The following PRUNE2 variants were observed in gnomAD, a reference collection of about 807,000 sequenced individuals.
PRUNE2 encodes the protein prune homolog 2 with BCH domain, also known as protein prune homolog 2.
In PRUNE2, 164 loss-of-function variants were observed where a neutral mutation model predicts 252.0. The observed-to-expected ratio is 0.65, with a 90% CI of 0.57 to 0.74. PRUNE2 has a LOEUF of 0.74. PRUNE2 is among the 30% of genes least tolerant of loss of function. The probability of loss-of-function intolerance (pLI) is 0.00; values close to 1 mark genes in which losing one functional copy is unlikely to be tolerated. For synonymous variants in PRUNE2, 1,292 were observed against 1,350.2 expected, an observed-to-expected ratio of 0.96 and a Z score of 0.94; for missense variants, 3,495 against 3,711.0, an observed-to-expected ratio of 0.94 and a Z score of 1.51.
chr9:76,850,453 T>C lies in PRUNE2; in HGVS notation c.344+10A>G. On this transcript the variant is annotated intron_variant, in intron 3 of 18. Coordinates refer to ENST00000376718, the MANE Select transcript of PRUNE2 (RefSeq NM_015225.3). Reference sequence around the variant, plus strand: ...GGGATTAAACCTCAGAGCTTCACAGTGGATCTTACCTCGCCAGCACACTGC... The same window carrying C: ...GGGATTAAACCTCAGAGCTTCACAGCGGATCTTACCTCGCCAGCACACTGC... The C allele has an allele frequency of 6.2e-7, 1 of 1,609,476 alleles. No homozygotes were observed. The highest frequency in any genetic ancestry group is 8.5e-7 in the Non-Finnish European group (1 of 1,175,762).
In PRUNE2 at chr9:76,710,320, G is replaced by T; in HGVS notation, c.1954C>A (p.Arg652=). 2 of 1,613,922 alleles carry T rather than the reference G, an allele frequency of 1.2e-6. No individual in the cohort carries two copies. The highest frequency in any genetic ancestry group is 1.7e-6 in the Non-Finnish European group (2 of 1,179,884). ...AAACCACCCCACCAGCTGCTGCACCGTGCATGGGTCTGAGGTGGCCCCATG... is the reference window on the plus strand; with the variant it reads ...AAACCACCCCACCAGCTGCTGCACCTTGCATGGGTCTGAGGTGGCCCCATG... ...GHMGPPQTHA[R]CSSWWGGLEI... Residue 652 remains arginine, a synonymous_variant, in exon 8 of 19, where the codon CGG becomes AGG. Coordinates refer to ENST00000376718, the MANE Select transcript of PRUNE2 (RefSeq NM_015225.3).
intron 6 of PRUNE2, among the ~76,000 whole-genome samples, chr9:76,755,384 G>A (rs1350525989): frequency 6.6e-6 from 1 of 152,144 alleles, no homozygotes; most frequent in Non-Finnish European, 1.5e-5. Flanking sequence ...ATGAGGGAGG[G>A]AGGAATGGAT....
At chr9:76,850,060 G>GT (rs368632247) in intron 3 of PRUNE2, among the ~76,000 whole-genome samples, 51 of 151,518 alleles carry the variant, frequency 3.4e-4, no homozygotes, top group African/African-American at 9.4e-4. Context: ...TTTGTTTGTT[G>GT]TTTTTTTTGA....
At chr9:76,629,119 A>G in intron 16 of PRUNE2, 73 bp downstream of exon 16, 2 of 874,634 alleles carry the variant, frequency 2.3e-6, no homozygotes, top group Non-Finnish European at 3.6e-6. Context: ...CTAGGATTAC[A>G]GGCGTGAGCC....
chr9:76,848,660 T>C (rs544739475), intron 3 of PRUNE2, among the ~76,000 whole-genome samples: 2 of 152,244 alleles, frequency 1.3e-5, no homozygotes, highest in Non-Finnish European at 2.9e-5. Context: ...CATTTTAAAC[T>C]ACTGAAGTGC....
At chr9:76,831,954 G>A (rs1348956664) in intron 4 of PRUNE2, among the ~76,000 whole-genome samples, 5 of 152,114 alleles carry the variant, frequency 3.3e-5, no homozygotes, top group African/African-American at 1.2e-4. Flanking sequence ...TCACAAGAAA[G>A]TTGGTGTAAT....
intron 1 of PRUNE2, among the ~76,000 whole-genome samples, chr9:76,881,235 T>G (rs190713808): frequency 0.011 from 1,645 of 152,146 alleles, 29 homozygotes; most frequent in African/African-American, 0.038. Flanking sequence ...CAAAGTGCTG[T>G]GATTACAGGC....
At chr9:76,903,841 G>A (rs940292935) in intron 1 of PRUNE2, among the ~76,000 whole-genome samples, 13 of 152,170 alleles carry the variant, frequency 8.5e-5, no homozygotes, top group African/African-American at 3.1e-4. Context: ...ACCCGCCTCA[G>A]CCTCCCAAAG....
intron 6 of PRUNE2, among the ~76,000 whole-genome samples, chr9:76,757,920 T>C (rs2051307906): frequency 6.6e-6 from 1 of 152,216 alleles, no homozygotes; most frequent in Admixed American, 6.5e-5. Context: ...TTTTAAGCTT[T>C]AATGACTTCA....
intron 3 of PRUNE2, among the ~76,000 whole-genome samples, chr9:76,849,758 G>A (rs1030236195): frequency 2.6e-5 from 4 of 152,034 alleles, no homozygotes; most frequent in South Asian, 4.2e-4. Context: ...CCTGGGAGGT[G>A]GAGGCTGCAG....
At chr9:76,712,669 G>A (rs630423) in intron 7 of PRUNE2, among the ~76,000 whole-genome samples, 75,011 of 152,104 alleles carry the variant, frequency 0.49, 20,376 homozygotes, top group Middle Eastern at 0.69. Flanking sequence ...CCTAAATCCC[G>A]TCCCTGGGAA....
Position 76,846,695 on chromosome 9 carries a change from G to C in PRUNE2, c.345-17C>G. Reference sequence around the variant, plus strand: ...TTGTCTTCACTGTAAAGCAAATGGAGGGGAGGAAGAGAAAGGGATATGGCA... The same window carrying C: ...TTGTCTTCACTGTAAAGCAAATGGACGGGAGGAAGAGAAAGGGATATGGCA... On this transcript the variant is annotated splice_polypyrimidine_tract_variant and intron_variant, in intron 3 of 18. Coordinates refer to ENST00000376718, the MANE Select transcript of PRUNE2 (RefSeq NM_015225.3). 1 of 1,607,374 alleles carries C rather than the reference G, an allele frequency of 6.2e-7. No individual in the cohort carries two copies. Among genetic ancestry groups the C allele is most frequent in the Non-Finnish European group, 8.5e-7 (1 of 1,174,282 alleles).
intron 12 of PRUNE2, chr9:76,644,486 A>AG (rs5898493): frequency 0.87 from 480,802 of 553,582 alleles, 209,821 homozygotes; most frequent in African/African-American, 0.98. Flanking sequence ...AAATTTGCAC[A>AG]AGATGATCGC....
chr9:76,761,266 T>C (rs73460242), intron 6 of PRUNE2, among the ~76,000 whole-genome samples: 2,821 of 152,192 alleles, frequency 0.019, 94 homozygotes, highest in African/African-American at 0.061. Context: ...TTCTGTGAGA[T>C]TGCTGCCCCA....
At chr9:76,676,074 A>AC (rs2042507164) in intron 9 of PRUNE2, among the ~76,000 whole-genome samples, 1 of 25,044 alleles carries the variant, frequency 4.0e-5, no homozygotes, top group Non-Finnish European at 1.6e-4. Context: ...ATAAAAAAAA[A>AC]ACCAAAAACA....
chr9:76,663,487 G>A (rs1040173025), intron 9 of PRUNE2, among the ~76,000 whole-genome samples: 1 of 152,160 alleles, frequency 6.6e-6, no homozygotes, highest in Non-Finnish European at 1.5e-5. Flanking sequence ...GGGACACGAC[G>A]CAGCCTCCTT....
chr9:76,749,282 T>C (rs1186385725), intron 6 of PRUNE2, among the ~76,000 whole-genome samples: 1 of 152,200 alleles, frequency 6.6e-6, no homozygotes, highest in East Asian at 1.9e-4. Context: ...CAGTTCTTTG[T>C]TCTAAATTTC....
Position 76,826,654 on chromosome 9 carries a change from T to C in PRUNE2, c.587A>G (p.Glu196Gly), listed in dbSNP as rs1429988941. The C allele has an allele frequency of 1.2e-6, 2 of 1,612,948 alleles. No homozygotes were observed. Among genetic ancestry groups the C allele is most frequent in the Admixed American group, 1.7e-5 (1 of 59,946 alleles). ...TGGAGGCAAGTTAGGAAATTTTTCTTCCAGGATAGAAAGAATTTCCTCCTG... is the reference window on the plus strand; with the variant it reads ...TGGAGGCAAGTTAGGAAATTTTTCTCCCAGGATAGAAAGAATTTCCTCCTG... ...EKQEEILSIL[E>G]EKFPNLPPRE... is the part of the protein sequence containing the mutation. Residue 196 changes from glutamate to glycine, a missense_variant, in exon 5 of 19, where the codon GAA (glutamate) becomes GGA (glycine). Physicochemically the swap from Glu to Gly is moderately conservative, Grantham distance 98 (BLOSUM62 -2). Transcript: ENST00000376718.
chr9:76,840,895 C>A (rs1338166594), intron 4 of PRUNE2, among the ~76,000 whole-genome samples: 1 of 151,926 alleles, frequency 6.6e-6, no homozygotes, highest in Non-Finnish European at 1.5e-5. Context: ...GCAGGAGAAT[C>A]GCTTGAACCC....
Sources: gnomAD v4.1 joint callset for allele counts (sites outside exome capture counted in the v4.1 genomes callset) on GRCh38, gnomAD v4.1.1 for gene constraint, MANE v1.5 for transcripts, NCBI Gene and HGNC (gene_info 2026-07-23, HGNC 2026-07-21) for gene names.